Variants in SASH1 observed in about 807,000 individuals in gnomAD.
SASH1 encodes the protein SAM and SH3 domain-containing protein 1.
Under a neutral mutation model 125.2 loss-of-function variants are expected in SASH1, and 44 were observed. That is an observed-to-expected ratio of 0.35 (90% CI 0.28 to 0.45). SASH1 has a LOEUF of 0.45. SASH1 is among the 20% of genes least tolerant of loss of function. The pLI is 1.00. For synonymous variants in SASH1, 639 were observed against 649.1 expected (o/e 0.98, Z 0.24); for missense variants, 1,426 against 1,614.5 (o/e 0.88, Z 2.00).
At chr6:148,356,906 T>C (rs1781967195) in intron 1 of SASH1, among the ~76,000 whole-genome samples, 1 of 152,258 alleles carries the variant, frequency 6.6e-6, no homozygotes, top group South Asian at 2.1e-4. Flanking sequence ...TAGTATTACA[T>C]TGGGGTTTTG....
intron 2 of SASH1, among the ~76,000 whole-genome samples, chr6:148,425,489 G>A (rs1312654181): frequency 6.6e-6 from 1 of 151,992 alleles, no homozygotes; most frequent in East Asian, 1.9e-4. Flanking sequence ...AGAACATCAA[G>A]AGATCATCAT....
chr6:148,198,236 C>T, the SASH1 span, among the ~76,000 whole-genome samples: 35 of 152,306 alleles, frequency 2.3e-4, no homozygotes, highest in African/African-American at 6.7e-4. Context: ...CTTTGCCTTC[C>T]GCCATGATTG....
At chr6:148,307,352 G>A (rs374264082) in intron 1 of SASH1, among the ~76,000 whole-genome samples, 4 of 151,860 alleles carry the variant, frequency 2.6e-5, no homozygotes, top group East Asian at 1.9e-4. Context: ...CCCTGACCTC[G>A]TGATCTGCCT....
intron 2 of SASH1, among the ~76,000 whole-genome samples, chr6:148,432,126 C>T (rs547728658): frequency 2.6e-5 from 4 of 152,180 alleles, no homozygotes; most frequent in African/African-American, 9.6e-5. Context: ...CAGGCCTGTG[C>T]CACCACGCTG....
At position 148,550,785 on chromosome 6, in the gene SASH1, G is replaced by C. The variant is rs1488603375; in HGVS notation, c.*2227G>C. The C allele has an allele frequency of 6.6e-6, 1 of 152,140 alleles. No homozygotes were observed. The highest frequency in any genetic ancestry group is 6.5e-5 in the Admixed American group (1 of 15,270). 9.4% of individuals were successfully genotyped at this position (152,140 alleles called of 1,614,324 possible). ...TCTCTTCCTGCTCTCAAAATACCTC[G>C]GCTTGACATTTGGACAGATCCTGTC... On this transcript the variant is annotated 3_prime_UTR_variant, in exon 20 of 20. Transcript: ENST00000367467.
Position 148,527,537 on chromosome 6 carries a change from G to C in SASH1, c.1369G>C (p.Val457Leu). The C allele has an allele frequency of 6.2e-7, 1 of 1,610,538 alleles. No homozygotes were observed. Among genetic ancestry groups the C allele is most frequent in the Non-Finnish European group, 8.5e-7 (1 of 1,178,908 alleles). The part of the protein sequence containing the change: ...RISLGKKVKS[V>L]KETMRKRMSK... ...CTCTCTTGGGAAAAAGGTGAAATCAGTGAAAGAGACGATGAGAAAGAGAAT... is the reference window on the plus strand; with the variant it reads ...CTCTCTTGGGAAAAAGGTGAAATCACTGAAAGAGACGATGAGAAAGAGAAT... The change falls in exon 12 of 20, where the codon GTG (valine) becomes CTG (leucine). Residue 457 changes from valine to leucine, a missense_variant. Physicochemically the swap from Val to Leu is conservative, Grantham distance 32. This residue lies in a region of SASH1 where 225 missense variants were observed against 344.5 expected (regional missense o/e 0.65). Coordinates refer to ENST00000367467, the MANE Select transcript of SASH1 (RefSeq NM_015278.5).
chr6:148,308,216 G>A (rs1375658670), intron 1 of SASH1, among the ~76,000 whole-genome samples: 1 of 151,750 alleles, frequency 6.6e-6, no homozygotes, highest in African/African-American at 2.4e-5. Flanking sequence ...TATATGTATC[G>A]CACCTTGGGC....
At chr6:148,359,608 G>A (rs1782109061) in intron 1 of SASH1, among the ~76,000 whole-genome samples, 1 of 152,160 alleles carries the variant, frequency 6.6e-6, no homozygotes, top group African/African-American at 2.4e-5. Context: ...AAACTTAGTT[G>A]ATAAAGCAGT....
intron 1 of SASH1, among the ~76,000 whole-genome samples, chr6:148,376,809 A>G (rs542345300): frequency 6.6e-6 from 1 of 152,202 alleles, no homozygotes; most frequent in Admixed American, 6.5e-5. Flanking sequence ...TCGAGGTTAC[A>G]GTGAACGGTG....
chr6:148,536,078 T>C (rs1482489902), intron 16 of SASH1, among the ~76,000 whole-genome samples: 1 of 152,012 alleles, frequency 6.6e-6, no homozygotes. Context: ...TGGGATAGAT[T>C]TGGAGGCAAT....
the SASH1 span, among the ~76,000 whole-genome samples, chr6:148,196,495 G>A: frequency 6.6e-6 from 1 of 152,166 alleles, no homozygotes; most frequent in Non-Finnish European, 1.5e-5. Context: ...TCTCTGCATA[G>A]TCCTGTCTGA....
At chr6:148,304,438 A>G (rs1352210652) in intron 1 of SASH1, among the ~76,000 whole-genome samples, 3 of 132,160 alleles carry the variant, frequency 2.3e-5, no homozygotes, top group Non-Finnish European at 4.9e-5. Context: ...GTCTCAAAAA[A>G]AAAAAAAGAA....
chr6:148,538,217 C>T (rs1781989823), intron 16 of SASH1, among the ~76,000 whole-genome samples: 1 of 152,122 alleles, frequency 6.6e-6, no homozygotes, highest in South Asian at 2.1e-4. Flanking sequence ...CTGGGGTCCC[C>T]AAAGATGCAG....
At chr6:148,483,207 CAG>C (rs1778705412) in intron 7 of SASH1, among the ~76,000 whole-genome samples, 1 of 151,978 alleles carries the variant, frequency 6.6e-6, no homozygotes, top group Admixed American at 6.5e-5. Flanking sequence ...TGGTGGAAGG[CAG>C]TGTGTGTGCA....
chr6:148,323,273 G>A (rs768870813), intron 1 of SASH1, among the ~76,000 whole-genome samples: 9 of 152,154 alleles, frequency 5.9e-5, no homozygotes, highest in Non-Finnish European at 8.8e-5. Context: ...GCCTCCCAAA[G>A]TGCTGAGATT....
intron 7 of SASH1, among the ~76,000 whole-genome samples, chr6:148,485,626 G>A (rs1778806071): frequency 6.6e-6 from 1 of 152,178 alleles, no homozygotes. Flanking sequence ...TTTGTCCTCA[G>A]GCCTCCCAGC....
intron 1 of SASH1, among the ~76,000 whole-genome samples, chr6:148,283,011 A>G (rs1304801595): frequency 6.6e-6 from 1 of 152,172 alleles, no homozygotes; most frequent in Non-Finnish European, 1.5e-5. Flanking sequence ...TATCCCAAGG[A>G]GGAGACCTGA....
rs988342549 is a variant in SASH1 at position 148,482,477 on chromosome 6, C to G, written c.628-5137C>G. On this transcript the variant is annotated intron_variant, in intron 7 of 19. Transcript: ENST00000367467. ...AGTCCTTTGGAGATGAAGCAAAGAG[C>G]ACTTAATGTTTGTCATTGACTGTCA... Among the ~76,000 whole-genome samples, 5 of 151,616 alleles carry G rather than the reference C, an allele frequency of 3.3e-5. No individual in the cohort carries two copies. In the South Asian group the frequency reaches 1.0e-3, roughly 32 times the overall value.
At position 148,519,917 on chromosome 6, in the gene SASH1, C is replaced by T; in HGVS notation, c.1209+24C>T. ...GGGTAAGTACGGATGGTGTTTGCTTCTATGACAACCACCGTCGCAGGCACC... is the reference window on the plus strand; with the variant it reads ...GGGTAAGTACGGATGGTGTTTGCTTTTATGACAACCACCGTCGCAGGCACC... On this transcript the variant is annotated intron_variant, in intron 10 of 19. Coordinates refer to ENST00000367467, the MANE Select transcript of SASH1 (RefSeq NM_015278.5). This position sits in a 1 kb window ranked among gnomAD's most constrained non-coding sequence, Gnocchi z 4.8. 6.7e-7 allele frequency: 1 copy of T among 1,488,132 alleles called. No individual in the cohort carries two copies. The highest frequency in any genetic ancestry group is 9.0e-7 in the Non-Finnish European group (1 of 1,107,080). The allele number at this position is 1,488,132 out of a possible 1,614,324, so 92.2% of individuals were successfully genotyped here.
Sources: allele counts gnomAD v4.1 joint callset (sites outside exome capture counted in the v4.1 genomes callset), GRCh38; gene constraint gnomAD v4.1.1; regional missense constraint gnomAD v4.1.1; non-coding constraint Gnocchi (gnomAD v3.1); transcripts MANE v1.5; gene names NCBI Gene and HGNC (gene_info 2026-07-23, HGNC 2026-07-21).